Variants in NACC2 observed in about 807,000 individuals in gnomAD.
NACC2 encodes the protein NACC family member 2.
A neutral mutation model predicts 25.1 loss-of-function variants in NACC2; 8 were observed. That is an observed-to-expected ratio of 0.32 (90% confidence interval 0.19 to 0.57). The LOEUF (loss-of-function observed/expected upper bound fraction) is 0.57, where lower values mean the gene tolerates loss of function less well. Ranked by LOEUF, NACC2 falls within the 20% of genes least tolerant of loss-of-function variation. The pLI is 0.89. For missense variants in NACC2, 644 were observed against 650.2 expected (o/e 0.99, Z 0.10); for synonymous variants, 435 against 294.7 (o/e 1.48, Z -4.88).
intron 1 of NACC2, among the ~76,000 whole-genome samples, chr9:136,077,253 C>A (rs960165640): frequency 6.6e-6 from 1 of 152,098 alleles, no homozygotes; most frequent in African/African-American, 2.4e-5. Flanking sequence ...ATTGCTTGAA[C>A]CCGGAGGTGG....
intron 2 of NACC2, among the ~76,000 whole-genome samples, chr9:136,042,236 T>C (rs1458734555): frequency 2.0e-5 from 3 of 152,122 alleles, no homozygotes; most frequent in Non-Finnish European, 4.4e-5. Context: ...GATCCACCCA[T>C]CTCGGCCTCC....
intron 2 of NACC2, among the ~76,000 whole-genome samples, chr9:136,033,940 T>TGA (rs1554737966): frequency 0.02 from 2,957 of 144,734 alleles, 71 homozygotes; most frequent in African/African-American, 0.033. Context: ...TGTGTGTGTG[T>TGA]GAGATATTTG....
At chr9:136,036,921 T>C (rs1364941535) in intron 2 of NACC2, among the ~76,000 whole-genome samples, 2 of 152,136 alleles carry the variant, frequency 1.3e-5, no homozygotes, top group Non-Finnish European at 2.9e-5. Flanking sequence ...GCAGAATAAA[T>C]ACAAAGCAAC....
chr9:136,040,124 TTA>T (rs1840606265), intron 2 of NACC2, among the ~76,000 whole-genome samples: 1 of 152,066 alleles, frequency 6.6e-6, no homozygotes, highest in Non-Finnish European at 1.5e-5. Context: ...GGCGGGTGGA[TTA>T]CAAGGTCAGG....
At position 136,007,546 on chromosome 9, in the gene NACC2, C is replaced by CATGCACACACAG. The variant is rs745585982; in HGVS notation, c.*3969_*3970insCTGTGTGTGCAT. The CATGCACACACAG allele has an allele frequency of 0.018, 1,228 of 68,086 alleles. 9 individuals are homozygous for CATGCACACACAG. Among genetic ancestry groups the CATGCACACACAG allele is most frequent in the Non-Finnish European group, 0.025 (917 of 36,564 alleles). 4.2% of individuals were successfully genotyped at this position (68,086 alleles called of 1,614,324 possible). On this transcript the variant is annotated 3_prime_UTR_variant, in exon 6 of 6. Coordinates refer to ENST00000277554, the MANE Select transcript of NACC2 (RefSeq NM_144653.5). The stretch of plus-strand genomic sequence containing the variant: ...AGACGCACAGACGTGCACACACAGA[C>CATGCACACACAG]ACGCACACACACACAGACACGCGCA...
Position 136,074,525 on chromosome 9 carries a change from G to A in NACC2, c.-60+20664C>T, listed in dbSNP as rs1345615969. ...CAGAAACATTAAGGTTCTTTATAAA[G>A]ATGTTAATAATTTCTGAGGTTATTT... On this transcript the variant is annotated intron_variant, in intron 1 of 5. Coordinates refer to ENST00000277554, the MANE Select transcript of NACC2 (RefSeq NM_144653.5). Among the ~76,000 whole-genome samples the A allele has an allele frequency of 2.0e-5, 3 of 147,402 alleles. No homozygotes were observed. The Admixed American group carries it at 2.0e-4, about 10-fold the overall frequency.
At chr9:136,082,570 C>T (rs967836960) in intron 1 of NACC2, among the ~76,000 whole-genome samples, 1 of 152,224 alleles carries the variant, frequency 6.6e-6, no homozygotes, top group African/African-American at 2.4e-5. Context: ...GCCCGACAAA[C>T]AAAACCAGGT....
chr9:136,047,121 G>T (rs1840741947), intron 2 of NACC2, among the ~76,000 whole-genome samples: 1 of 152,266 alleles, frequency 6.6e-6, no homozygotes, highest in East Asian at 1.9e-4. Context: ...CCAGCCCAGA[G>T]AGACAGCTAC....
In NACC2 at chr9:136,069,586, A is replaced by C. The variant is rs1841127407; in HGVS notation, c.-59-19006T>G. ...AACAAAACAAAACAAAACAAAAAAA[A>C]CACCTCACTTCAAATATAATGATAT... On this transcript the variant is annotated intron_variant, in intron 1 of 5. Transcript: ENST00000277554. Among the ~76,000 whole-genome samples the C allele has an allele frequency of 2.0e-5, 3 of 151,746 alleles. No homozygotes were observed. In the South Asian group the frequency reaches 6.2e-4, roughly 32 times the overall value.
At chr9:136,028,499 C>T (rs986586440) in intron 2 of NACC2, among the ~76,000 whole-genome samples, 2 of 151,948 alleles carry the variant, frequency 1.3e-5, no homozygotes, top group African/African-American at 4.8e-5. Context: ...CCTCAGCCTC[C>T]TGCGTAACTG....
At chr9:136,012,652 GTTTT>G (rs540279008) in intron 5 of NACC2, among the ~76,000 whole-genome samples, 42 of 133,128 alleles carry the variant, frequency 3.2e-4, no homozygotes, top group South Asian at 1.9e-3. Flanking sequence ...GCCTCACAAG[GTTTT>G]TTTTTTTTTT....
At chr9:136,091,995 C>T (rs867312025) in intron 1 of NACC2, among the ~76,000 whole-genome samples, 66 of 152,342 alleles carry the variant, frequency 4.3e-4, no homozygotes, top group African/African-American at 1.4e-3. Flanking sequence ...AGTCACATCT[C>T]CTCTGTGACT....
intron 2 of NACC2, among the ~76,000 whole-genome samples, chr9:136,028,787 T>C (rs1588562676): frequency 6.6e-6 from 1 of 152,230 alleles, no homozygotes; most frequent in East Asian, 1.9e-4. Context: ...TGCCTGCTCC[T>C]GCTGCCTGGC....
At chr9:136,043,176 A>C (rs977489298) in intron 2 of NACC2, among the ~76,000 whole-genome samples, 3 of 152,354 alleles carry the variant, frequency 2.0e-5, no homozygotes, top group South Asian at 4.1e-4. Flanking sequence ...AGTCACCATT[A>C]CAATAATGAA....
chr9:136,090,918 G>A (rs1305674647), intron 1 of NACC2, among the ~76,000 whole-genome samples: 1 of 152,114 alleles, frequency 6.6e-6, no homozygotes, highest in Non-Finnish European at 1.5e-5. Context: ...AGGCCCCTCT[G>A]TTCCCCGCCC....
intron 2 of NACC2, among the ~76,000 whole-genome samples, chr9:136,031,040 T>TGTCCTGCAGC (rs1564224266): frequency 1.3e-5 from 2 of 152,134 alleles, no homozygotes; most frequent in Non-Finnish European, 2.9e-5. Flanking sequence ...AGGAAATAGA[T>TGTCCTGCAGC]TATGTGAACT....
At position 136,007,619 on chromosome 9, in the gene NACC2, A is replaced by G. The variant is rs2131126086; in HGVS notation, c.*3897T>C. The G allele has an allele frequency of 6.6e-6, 1 of 152,390 alleles. No homozygotes were observed. The highest frequency in any genetic ancestry group is 6.5e-5 in the Admixed American group (1 of 15,308). The allele number at this position is 152,390 out of a possible 1,614,324, so 9.4% of individuals were successfully genotyped here. A position where few individuals can be genotyped will look rare whatever the true frequency, so the allele number is the denominator to read the frequency against. On this transcript the variant is annotated 3_prime_UTR_variant, in exon 6 of 6. Transcript: ENST00000277554. ...GCTGGCTGGCTGACATGACAAAAGT[A>G]TGCAGCAGCAACATTCTGAAACAGT...
chr9:136,092,732 T>C (rs183710785), intron 1 of NACC2, among the ~76,000 whole-genome samples: 165 of 152,262 alleles, frequency 1.1e-3, no homozygotes, highest in Non-Finnish European at 2.0e-3. Context: ...AGTTCCCAAA[T>C]GTGTTCGTTA....
rs867002194 is a variant in NACC2 at position 136,055,473 on chromosome 9, G to C, written c.-59-4893C>G. The stretch of plus-strand genomic sequence containing the variant: ...GCCCAACAGGAGGAGCCCTTTTCCT[G>C]GGGCCCAGCCAGGCAGCTCCATGGT... On this transcript the variant is annotated intron_variant, in intron 1 of 5. Transcript: ENST00000277554. The surrounding 1 kb of genome is among the most constrained non-coding windows in gnomAD (Gnocchi z 4.9). Among the ~76,000 whole-genome samples the C allele has an allele frequency of 6.6e-6, 1 of 152,050 alleles. No individual in the cohort carries two copies. Among genetic ancestry groups the C allele is most frequent in the Non-Finnish European group, 1.5e-5 (1 of 68,020 alleles).
Sources: gnomAD v4.1 joint callset for allele counts (sites outside exome capture counted in the v4.1 genomes callset) on GRCh38, gnomAD v4.1.1 for gene constraint, Gnocchi (gnomAD v3.1) non-coding constraint, MANE v1.5 for transcripts, NCBI Gene and HGNC (gene_info 2026-07-23, HGNC 2026-07-21) for gene names.